BCAS3: variants seen among roughly 807,000 people sequenced by gnomAD.
BCAS3 encodes BCAS3 microtubule associated cell migration factor, also known as BCAS4/BCAS3 fusion.
In BCAS3, 53 loss-of-function variants were observed where a neutral mutation model predicts 116.1. The ratio of observed to expected loss-of-function variants is 0.46; its 90% CI spans 0.37 to 0.57. The LOEUF (loss-of-function observed/expected upper bound fraction) is 0.57, where lower values mean the gene tolerates loss of function less well. Among genes scored for constraint, BCAS3 ranks in the 20% least tolerant of loss-of-function variants. The probability of loss-of-function intolerance (pLI) is 0.00; values close to 1 mark genes in which losing one functional copy is unlikely to be tolerated. For synonymous variants in BCAS3, 391 were observed against 408.2 expected (o/e 0.96, Z 0.51); for missense variants, 917 against 1,165.4 (o/e 0.79, Z 3.10).
rs2073200757 is a variant in BCAS3, at chr17:61,087,743, G to A, written c.2425+3179G>A. Among the ~76,000 whole-genome samples the A allele has an allele frequency of 6.6e-6, 1 of 152,094 alleles. No homozygotes were observed. The highest frequency in any genetic ancestry group is 6.6e-5 in the Admixed American group (1 of 15,252). ...GATTTAAGCACCGGGTAAATTCTAT[G>A]CCTTTAGACACCTATGAACTAGATT... On this transcript the variant is annotated intron_variant, in intron 22 of 23. Transcript: ENST00000407086. This position sits in a 1 kb window ranked among gnomAD's most constrained non-coding sequence, Gnocchi z 4.6.
At chr17:61,234,395 T>C (rs892036251) in intron 22 of BCAS3, among the ~76,000 whole-genome samples, 1 of 152,260 alleles carries the variant, frequency 6.6e-6, no homozygotes, top group Non-Finnish European at 1.5e-5. Context: ...TGAAGTACTC[T>C]GTTTTCCACC....
rs755754824 is a variant in BCAS3, at chr17:61,107,082, C to CTTTTT, written c.2425+22536_2425+22540dup. ...TCTTGCTTTGCTAACACTAGGCTTA[C>CTTTTT]TTTTTTTTTTTTTTTTTTTTTTGAG... On this transcript the variant is annotated intron_variant, in intron 22 of 23. Transcript: ENST00000407086. Among the ~76,000 whole-genome samples, 451 of 106,300 alleles carry CTTTTT rather than the reference C, an allele frequency of 4.2e-3. 4 individuals carry two copies. The highest frequency in any genetic ancestry group is 5.7e-3 in the Non-Finnish European group (327 of 57,598). 69.7% of individuals were successfully genotyped at this position (106,300 alleles called of 152,430 possible). A position where few individuals can be genotyped will look rare whatever the true frequency, so the allele number is the denominator to read the frequency against.
In BCAS3 at chr17:60,806,421, CT is replaced by C. The variant is rs2060340740; in HGVS notation, c.404-1579del. 3.3e-5 allele frequency among the ~76,000 whole-genome samples: 5 copies of C among 152,106 alleles called. 1 individual carries two copies. In the South Asian group the frequency reaches 1.0e-3, roughly 32 times the overall value. On this transcript the variant is annotated intron_variant, in intron 6 of 23. Coordinates refer to ENST00000407086, the MANE Select transcript of BCAS3 (RefSeq NM_017679.5). ...TCTTACATCTGCTGTTTTTCAAATG[CT>C]TTTAGCCCAAATAATCAATATGCCA...
intron 6 of BCAS3, among the ~76,000 whole-genome samples, chr17:60,806,702 G>A (rs889205720): frequency 6.6e-6 from 1 of 151,996 alleles, no homozygotes; most frequent in African/African-American, 2.4e-5. Flanking sequence ...ACAGGAGTGT[G>A]CCACCATACC....
Position 60,706,987 on chromosome 17 carries a change from GTATTAT to G in BCAS3, c.215-2221_215-2216del, listed in dbSNP as rs1210105138. Among the ~76,000 whole-genome samples, 8 of 151,016 alleles carry G rather than the reference GTATTAT, an allele frequency of 5.3e-5. No homozygotes were observed. The South Asian group carries it at 1.7e-3, about 32-fold the overall frequency. ...TTTTCACCAAGCCCAGCTAATTTTT[GTATTAT>G]TATTATTATTTTTTTGAGACAGAGT... is the stretch of plus-strand genomic sequence containing the variant. On this transcript the variant is annotated intron_variant, in intron 4 of 23. Coordinates refer to ENST00000407086, the MANE Select transcript of BCAS3 (RefSeq NM_017679.5).
At chr17:61,295,209 T>C (rs1482775223) in intron 22 of BCAS3, among the ~76,000 whole-genome samples, 1 of 152,156 alleles carries the variant, frequency 6.6e-6, no homozygotes, top group Non-Finnish European at 1.5e-5. Flanking sequence ...CTTTAAATGG[T>C]GGGTCACAAC....
At chr17:60,845,082 T>C (rs1301820294) in intron 7 of BCAS3, among the ~76,000 whole-genome samples, 4 of 151,860 alleles carry the variant, frequency 2.6e-5, no homozygotes, top group Non-Finnish European at 5.9e-5. Context: ...ATACAAAAAT[T>C]AGATGGGCCC....
rs2081448712 is a variant in BCAS3 at position 61,211,358 on chromosome 17, G to T, written c.2425+126794G>T. 6.6e-6 allele frequency among the ~76,000 whole-genome samples: 1 copy of T among 152,162 alleles called. No homozygotes were observed. Among genetic ancestry groups the T allele is most frequent in the Non-Finnish European group, 1.5e-5 (1 of 68,028 alleles). ...AACATCCAGAGACTCCAGCCTCTTT[G>T]ACAGTCATTCTCCCACTGTGTCCCT... On this transcript the variant is annotated intron_variant, in intron 22 of 23. Coordinates refer to ENST00000407086, the MANE Select transcript of BCAS3 (RefSeq NM_017679.5). This position sits in a 1 kb window ranked among gnomAD's most constrained non-coding sequence, Gnocchi z 4.4.
At chr17:60,867,543 T>C (rs541397052) in intron 7 of BCAS3, among the ~76,000 whole-genome samples, 172 of 152,350 alleles carry the variant, frequency 1.1e-3, no homozygotes, top group African/African-American at 3.9e-3. Context: ...TTTTACTAAT[T>C]GTTTCTCAAT....
chr17:60,820,341 A>G (rs4465657), intron 7 of BCAS3, among the ~76,000 whole-genome samples: 36,503 of 152,066 alleles, frequency 0.24, 7,680 homozygotes, highest in African/African-American at 0.57. Flanking sequence ...CACCGTGCCC[A>G]GCCGACGGTG....
At chr17:60,801,563 A>G (rs1179196023) in intron 6 of BCAS3, among the ~76,000 whole-genome samples, 3 of 152,038 alleles carry the variant, frequency 2.0e-5, no homozygotes, top group Non-Finnish European at 4.4e-5. Context: ...CTCTTGCTTT[A>G]TATCTGACCT....
chr17:61,075,058 A>G, intron 20 of BCAS3, 38 bp downstream of exon 20: 1 of 1,497,192 alleles, frequency 6.7e-7, no homozygotes, highest in Non-Finnish European at 9.2e-7. Flanking sequence ...AAAGTAAAAT[A>G]AAACAGAAAT....
At chr17:61,152,238 A>T (rs1374433720) in intron 22 of BCAS3, among the ~76,000 whole-genome samples, 1 of 151,900 alleles carries the variant, frequency 6.6e-6, no homozygotes, top group East Asian at 1.9e-4. Flanking sequence ...TTATTCCCTT[A>T]TTTGTCCCCT....
In BCAS3 at chr17:61,083,285, T is replaced by C. The variant is rs1296070245; in HGVS notation, c.2328-1182T>C. Among the ~76,000 whole-genome samples the C allele has an allele frequency of 1.3e-5, 2 of 152,216 alleles. No homozygotes were observed. The highest frequency in any genetic ancestry group is 2.4e-5 in the African/African-American group (1 of 41,444). On this transcript the variant is annotated intron_variant, in intron 21 of 23. Transcript: ENST00000407086. The surrounding 1 kb of genome is among the most constrained non-coding windows in gnomAD (Gnocchi z 4.9). Reference sequence around the variant, plus strand: ...CTATTTATGTCATTCATATTTACACTTTAGTTTTATTTTGCATTGTCATGA... The same window carrying C: ...CTATTTATGTCATTCATATTTACACCTTAGTTTTATTTTGCATTGTCATGA...
intron 22 of BCAS3, among the ~76,000 whole-genome samples, chr17:61,116,131 A>G (rs1033899626): frequency 4.0e-4 from 61 of 151,598 alleles, no homozygotes; most frequent in Admixed American, 9.9e-4. Flanking sequence ...TGGGAGATAT[A>G]CCTAATGCTA....
chr17:60,851,655 A>G lies in BCAS3; in HGVS notation c.477-16921A>G. 3 of 744,196 alleles carry G rather than the reference A, an allele frequency of 4.0e-6. No individual in the cohort carries two copies. The Admixed American group carries it at 5.6e-5, about 14-fold the overall frequency. 46.1% of individuals were successfully genotyped at this position (744,196 alleles called of 1,614,324 possible). On this transcript the variant is annotated intron_variant, in intron 7 of 23. Transcript: ENST00000407086. Reference sequence around the variant, plus strand: ...GGGAAAACAGGCTGAAAGAAACTAAAGAAGATTTACCTGCAGAAAAGGGGG... The same window carrying G: ...GGGAAAACAGGCTGAAAGAAACTAAGGAAGATTTACCTGCAGAAAAGGGGG...
intron 23 of BCAS3, among the ~76,000 whole-genome samples, chr17:61,374,803 T>C (rs981532050): frequency 6.6e-6 from 1 of 152,254 alleles, no homozygotes; most frequent in South Asian, 2.1e-4. Context: ...TAGTACTTCC[T>C]TTTCTTCTAT....
intron 13 of BCAS3, among the ~76,000 whole-genome samples, chr17:60,926,729 A>G (rs984990030): frequency 6.6e-6 from 1 of 152,138 alleles, no homozygotes; most frequent in African/African-American, 2.4e-5. Context: ...ATATAACCCT[A>G]CAGTGCTTCT....
At chr17:60,974,395 T>C (rs1340396886) in intron 14 of BCAS3, among the ~76,000 whole-genome samples, 2 of 152,206 alleles carry the variant, frequency 1.3e-5, no homozygotes, top group African/African-American at 4.8e-5. Context: ...TGAACATAGA[T>C]GAAAACACTC....
Sources: gnomAD v4.1 joint callset for allele counts (sites outside exome capture counted in the v4.1 genomes callset) on GRCh38, gnomAD v4.1.1 for gene constraint, Gnocchi (gnomAD v3.1) non-coding constraint, MANE v1.5 for transcripts, NCBI Gene and HGNC (gene_info 2026-07-23, HGNC 2026-07-21) for gene names.